The following BAHD1 variants were observed in gnomAD, a reference collection of about 807,000 sequenced individuals.
The protein encoded by BAHD1 is bromo adjacent homology domain containing 1.
In BAHD1, 20 loss-of-function variants were observed where a neutral mutation model predicts 63.1. The ratio of observed to expected loss-of-function variants is 0.32; its 90% CI spans 0.22 to 0.46. The LOEUF (loss-of-function observed/expected upper bound fraction) is 0.46. Ranked by LOEUF, BAHD1 falls within the 20% of genes least tolerant of loss-of-function variation. The pLI is 1.00. For missense variants in BAHD1, 939 were observed against 1,071.8 expected (o/e 0.88, Z 1.73); for synonymous variants, 408 against 426.8 (o/e 0.96, Z 0.54).
At position 40,464,145 on chromosome 15, in the gene BAHD1, G is replaced by A. The variant is rs1002600569; in HGVS notation, c.1975+125G>A. 23 of 1,179,342 alleles carry A rather than the reference G, an allele frequency of 2.0e-5. No individual in the cohort carries two copies. In the East Asian group the frequency reaches 5.0e-4, roughly 26 times the overall value. The allele number at this position is 1,179,342 out of a possible 1,614,324, so 73.1% of individuals were successfully genotyped here. On this transcript the variant is annotated intron_variant, in intron 4 of 6. Transcript: ENST00000416165. Reference sequence around the variant, plus strand: ...TCCCCGTGTTCCTGGCACAGAGTCTGCCTTCCACTCGGCTGGGGTCTCTCT... The same window carrying A: ...TCCCCGTGTTCCTGGCACAGAGTCTACCTTCCACTCGGCTGGGGTCTCTCT...
Position 40,459,862 on chromosome 15 carries a change from T to G in BAHD1, c.1398T>G (p.Cys466Trp). Residue 466 changes from cysteine to tryptophan, a missense_variant, in exon 2 of 7, where the codon TGT becomes TGG. Cys to Trp is a radical substitution (Grantham distance 215). This residue lies in a region of BAHD1 where 797 missense variants were observed against 813.3 expected (regional missense o/e 0.98). Coordinates refer to ENST00000416165, the MANE Select transcript of BAHD1 (RefSeq NM_014952.5). ...CTGTTACCCACGCTGGCACTACCTG[T>G]GGCGGCTGCCCATACAAAATGCCTT... The part of the protein sequence containing the change: ...PLSVTHAGTT[C>W]GGCPYKMPFA... 1 of 1,600,216 alleles carries G rather than the reference T, an allele frequency of 6.2e-7. No individual in the cohort carries two copies. Among genetic ancestry groups the G allele is most frequent in the Non-Finnish European group, 8.5e-7 (1 of 1,171,688 alleles).
At chr15:40,464,594 GA>G in intron 5 of BAHD1, 47 bp downstream of exon 5, 1 of 1,521,110 alleles carries the variant, frequency 6.6e-7, no homozygotes, top group Non-Finnish European at 9.0e-7. Context: ...GAGACAGAGG[GA>G]AAGGTTATGG....
intron 1 of BAHD1, among the ~76,000 whole-genome samples, chr15:40,456,820 A>C (rs1054926137): frequency 6.6e-6 from 1 of 152,114 alleles, no homozygotes; most frequent in African/African-American, 2.4e-5. Flanking sequence ...CTGGGTGGGG[A>C]TGGGTTGCAG....
At chr15:40,463,726 G>C (rs1894118732) in intron 3 of BAHD1, 135 bp from the exon 4 acceptor site, 1 of 944,220 alleles carries the variant, frequency 1.1e-6, no homozygotes, top group African/African-American at 1.7e-5. Flanking sequence ...TCCAAAAAAG[G>C]ATAGTGGTTT....
Position 40,458,280 on chromosome 15 carries a change from C to T in BAHD1, c.-14-171C>T, listed in dbSNP as rs1036360700. ...TGCACAGCTGCTGGTAGCTTGATTC[C>T]ACTGCCCCTTCACACTCTGGAAAGG... is the stretch of plus-strand genomic sequence containing the variant. On this transcript the variant is annotated intron_variant, in intron 1 of 6. Transcript: ENST00000416165. This position sits in a 1 kb window ranked among gnomAD's most constrained non-coding sequence, Gnocchi z 4.7. 6.6e-6 allele frequency among the ~76,000 whole-genome samples: 1 copy of T among 152,132 alleles called. No individual in the cohort carries two copies. The highest frequency in any genetic ancestry group is 2.4e-5 in the African/African-American group (1 of 41,430).
chr15:40,459,430 G>A lies in BAHD1; in HGVS notation c.966G>A (p.Ala322=), dbSNP rs762546096. The change falls in exon 2 of 7, where the codon GCG becomes GCA. Residue 322 remains alanine, a synonymous_variant. Coordinates refer to ENST00000416165, the MANE Select transcript of BAHD1 (RefSeq NM_014952.5). Reference sequence around the variant, plus strand: ...TGCCCCTGCTGATGGGTGGACAGGCGGCTCTGAAGCCGGAGCCTGGGCGCC... The same window carrying A: ...TGCCCCTGCTGATGGGTGGACAGGCAGCTCTGAAGCCGGAGCCTGGGCGCC... ...PHLPLLMGGQ[A]ALKPEPGRPG... 9.9e-6 allele frequency: 16 copies of A among 1,613,276 alleles called. No individual in the cohort carries two copies. The highest frequency in any genetic ancestry group is 2.2e-5 in the East Asian group (1 of 44,882).
intron 1 of BAHD1, among the ~76,000 whole-genome samples, chr15:40,443,817 C>T (rs1301559917): frequency 6.6e-6 from 1 of 152,124 alleles, no homozygotes; most frequent in East Asian, 1.9e-4. Flanking sequence ...CACAGACTTG[C>T]AATGGCTCCC....
Position 40,462,035 on chromosome 15 carries a change from C to G in BAHD1, c.1556C>G (p.Pro519Arg). The stretch of plus-strand genomic sequence containing the variant: ...GTGCCACCTGCAGCAGAGCCCGTCC[C>G]CCATCTTCAGACACCCACCTCGGAG... Reference protein sequence around the residue: ...PSVPPAAEPVPHLQTPTSEPQ... With the variant: ...PSVPPAAEPVRHLQTPTSEPQ... Residue 519 changes from proline to arginine, a missense_variant, in exon 3 of 7, where the codon CCC becomes CGC. By Grantham distance (103) the Pro-to-Arg change is moderately radical (BLOSUM62 -2). Around this residue, in one of 5 missense-constraint regions of BAHD1, gnomAD observed 797 missense variants for 813.3 expected, o/e 0.98. Coordinates refer to ENST00000416165, the MANE Select transcript of BAHD1 (RefSeq NM_014952.5). The G allele has an allele frequency of 6.2e-7, 1 of 1,613,930 alleles. No homozygotes were observed. Among genetic ancestry groups the G allele is most frequent in the African/African-American group, 1.3e-5 (1 of 75,032 alleles).
intron 1 of BAHD1, among the ~76,000 whole-genome samples, chr15:40,455,245 T>G (rs1466264131): frequency 2.6e-5 from 4 of 152,190 alleles, no homozygotes; most frequent in African/African-American, 9.7e-5. Context: ...TTTGGAAATG[T>G]GACTCGCACC....
At chr15:40,460,391 G>T (rs1386299813) in intron 2 of BAHD1, among the ~76,000 whole-genome samples, 1 of 152,180 alleles carries the variant, frequency 6.6e-6, no homozygotes, top group Admixed American at 6.5e-5. Context: ...GGCTCAGTAG[G>T]TGGTACCTAC....
At chr15:40,455,258 G>A (rs1374964325) in intron 1 of BAHD1, among the ~76,000 whole-genome samples, 1 of 152,222 alleles carries the variant, frequency 6.6e-6, no homozygotes, top group African/African-American at 2.4e-5. Context: ...CTCGCACCCT[G>A]TGATTCAGAC....
chr15:40,445,062 T>C (rs1446727578), intron 1 of BAHD1, among the ~76,000 whole-genome samples: 1 of 152,116 alleles, frequency 6.6e-6, no homozygotes, highest in Non-Finnish European at 1.5e-5. Flanking sequence ...CTCCTTTAGC[T>C]GTGTTTGCTG....
At chr15:40,462,742 C>T (rs1894089312) in intron 3 of BAHD1, among the ~76,000 whole-genome samples, 1 of 152,076 alleles carries the variant, frequency 6.6e-6, no homozygotes, top group Non-Finnish European at 1.5e-5. Flanking sequence ...TCTGTAATCC[C>T]AGTACTTTAG....
rs1894267861 is a variant in BAHD1 at position 40,468,157 on chromosome 15, C to G, written c.*2027C>G. 1 of 152,626 alleles carries G rather than the reference C, an allele frequency of 6.6e-6. No homozygotes were observed. The highest frequency in any genetic ancestry group is 6.5e-5 in the Admixed American group (1 of 15,274). 9.5% of individuals were successfully genotyped at this position (152,626 alleles called of 1,614,324 possible). On this transcript the variant is annotated 3_prime_UTR_variant, in exon 7 of 7. Coordinates refer to ENST00000416165, the MANE Select transcript of BAHD1 (RefSeq NM_014952.5). Reference sequence around the variant, plus strand: ...TTACAAGGGAGGAAGGACCTTTCCTCACCTCCCTTTTGACAGAGATTAGAA... The same window carrying G: ...TTACAAGGGAGGAAGGACCTTTCCTGACCTCCCTTTTGACAGAGATTAGAA...
chr15:40,447,807 CAA>C (rs1269184962), intron 1 of BAHD1, among the ~76,000 whole-genome samples: 3 of 152,200 alleles, frequency 2.0e-5, no homozygotes, highest in African/African-American at 7.2e-5. Flanking sequence ...TCACCTGAGA[CAA>C]GAGGTATTGG....
rs1894137868 is a variant in BAHD1 at position 40,464,232 on chromosome 15, C to G, written c.1975+212C>G. The G allele has an allele frequency of 1.2e-4, 78 of 673,362 alleles. No homozygotes were observed. In the South Asian group the frequency reaches 1.4e-3, roughly 12 times the overall value. The allele number at this position is 673,362 out of a possible 1,614,324, so 41.7% of individuals were successfully genotyped here. A position where few individuals can be genotyped will look rare whatever the true frequency, so the allele number is the denominator to read the frequency against. ...TGGATCAGCTCATTAACCTTTCCAG[C>G]CAGCAGAGCCTGGGCACCTGTCCCC... is the stretch of plus-strand genomic sequence containing the variant. On this transcript the variant is annotated intron_variant, in intron 4 of 6. Coordinates refer to ENST00000416165, the MANE Select transcript of BAHD1 (RefSeq NM_014952.5).
At chr15:40,452,530 C>T (rs1003440401) in intron 1 of BAHD1, among the ~76,000 whole-genome samples, 2 of 152,218 alleles carry the variant, frequency 1.3e-5, no homozygotes, top group African/African-American at 2.4e-5. Flanking sequence ...GTTTCTGCCC[C>T]GGCCCTCTTG....
intron 1 of BAHD1, among the ~76,000 whole-genome samples, chr15:40,443,746 C>A (rs1893464346): frequency 6.6e-6 from 1 of 152,134 alleles, no homozygotes; most frequent in Non-Finnish European, 1.5e-5. Context: ...CTGATCCAGT[C>A]TGTATGCAGC....
chr15:40,458,922 G>A lies in BAHD1; in HGVS notation c.458G>A (p.Arg153His), dbSNP rs373140549. ...TRRSRAGDPH[R>H]SRDRDRATGG... ...CGCAGTCGAGCAGGGGATCCCCACC[G>A]CAGCCGTGACCGTGATCGTGCTACT... Residue 153 changes from arginine to histidine, a missense_variant, in exon 2 of 7, where the codon CGC becomes CAC. By Grantham distance (29) the Arg-to-His change is conservative. Coordinates refer to ENST00000416165, the MANE Select transcript of BAHD1 (RefSeq NM_014952.5). The surrounding 1 kb of genome is among the most constrained non-coding windows in gnomAD (Gnocchi z 4.7). 4.7e-5 allele frequency: 75 copies of A among 1,596,668 alleles called. 1 individual carries two copies. Among genetic ancestry groups the A allele is most frequent in the Middle Eastern group, 1.7e-4 (1 of 5,972 alleles).
Sources: gnomAD v4.1 joint callset for allele counts (sites outside exome capture counted in the v4.1 genomes callset) on GRCh38, gnomAD v4.1.1 for gene constraint, gnomAD v4.1.1 regional missense constraint, Gnocchi (gnomAD v3.1) non-coding constraint, MANE v1.5 for transcripts, NCBI Gene and HGNC (gene_info 2026-07-23, HGNC 2026-07-21) for gene names.